The following SEMA3E variants were observed in gnomAD, a reference collection of about 807,000 sequenced individuals.
SEMA3E encodes semaphorin-3E.
SEMA3E carries 49 observed loss-of-function variants against 93.6 expected under a neutral mutation model. The ratio of observed to expected loss-of-function variants is 0.52; its 90% CI spans 0.42 to 0.66. The LOEUF is 0.66. SEMA3E is among the 30% of genes least tolerant of loss of function. SEMA3E has a pLI of 0.00. For synonymous variants in SEMA3E, 363 were observed against 330.7 expected, an observed-to-expected ratio of 1.10 and a Z score of -1.06; for missense variants, 906 against 964.8, an observed-to-expected ratio of 0.94 and a Z score of 0.81.
intron 4 of SEMA3E, among the ~76,000 whole-genome samples, chr7:83,427,527 T>G (rs1380107625): frequency 6.6e-6 from 1 of 152,176 alleles, no homozygotes; most frequent in East Asian, 1.9e-4. Flanking sequence ...TACATAGTAT[T>G]GATATTATGA....
intron 1 of SEMA3E, among the ~76,000 whole-genome samples, chr7:83,565,938 A>G (rs1187884642): frequency 6.6e-6 from 1 of 151,932 alleles, no homozygotes; most frequent in Non-Finnish European, 1.5e-5. Context: ...CAATTTTACA[A>G]CACATATAAA....
chr7:83,543,859 C>T (rs116859772), intron 1 of SEMA3E, among the ~76,000 whole-genome samples: 2,308 of 152,130 alleles, frequency 0.015, 31 homozygotes, highest in Non-Finnish European at 0.021. Flanking sequence ...GCTAAAACCT[C>T]AATATCAAGG....
At position 83,525,380 on chromosome 7, in the gene SEMA3E, G is replaced by T. The variant is rs566140185; in HGVS notation, c.116-35106C>A. 4.6e-5 allele frequency among the ~76,000 whole-genome samples: 7 copies of T among 151,892 alleles called. No homozygotes were observed. In the South Asian group the frequency reaches 1.5e-3, roughly 32 times the overall value. Reference sequence around the variant, plus strand: ...AGTTTGTTTTCATCCATTGTACTGGGCTCTCTCAATCTAAAAATACATTTA... The same window carrying T: ...AGTTTGTTTTCATCCATTGTACTGGTCTCTCTCAATCTAAAAATACATTTA... On this transcript the variant is annotated intron_variant, in intron 1 of 16. Coordinates refer to ENST00000643230, the MANE Select transcript of SEMA3E (RefSeq NM_012431.3).
rs548148596 is a variant in SEMA3E, at chr7:83,539,731, T to C, written c.116-49457A>G. Among the ~76,000 whole-genome samples, 5 of 152,352 alleles carry C rather than the reference T, an allele frequency of 3.3e-5. No homozygotes were observed. In the East Asian group the frequency reaches 9.6e-4, roughly 29 times the overall value. On this transcript the variant is annotated intron_variant, in intron 1 of 16. Transcript: ENST00000643230. The stretch of plus-strand genomic sequence containing the variant: ...TCTGCTAAGTTATCCTTCATTGGGA[T>C]TATTTTCATCTGATGAGTTTTGGAG...
At chr7:83,374,206 C>CAAAAAA (rs71074647) in intron 16 of SEMA3E, among the ~76,000 whole-genome samples, 1 of 93,350 alleles carries the variant, frequency 1.1e-5, no homozygotes, top group African/African-American at 4.4e-5. Context: ...AACTGCGTCT[C>CAAAAAA]AAAAAAAAAA....
At position 83,367,610 on chromosome 7, in the gene SEMA3E, C is replaced by A; in HGVS notation, c.2304G>T (p.Leu768=). ...ATCAGGAGTCCAGCGTGTGCCTGGG[C>A]AGGCGGTAATGCTCAGGTTTGGAAC... is the stretch of plus-strand genomic sequence containing the variant. ...KLRSKPEHYR[L]PRHTLDS Residue 768 remains leucine, a synonymous_variant, in exon 17 of 17, where the codon CTG becomes CTT. Coordinates refer to ENST00000643230, the MANE Select transcript of SEMA3E (RefSeq NM_012431.3). 1 of 1,614,130 alleles carries A rather than the reference C, an allele frequency of 6.2e-7. No homozygotes were observed. Among genetic ancestry groups the A allele is most frequent in the Non-Finnish European group, 8.5e-7 (1 of 1,180,002 alleles).
chr7:83,477,123 AAACT>A (rs1183459915), intron 2 of SEMA3E, among the ~76,000 whole-genome samples: 1 of 152,194 alleles, frequency 6.6e-6, no homozygotes, highest in Non-Finnish European at 1.5e-5. Context: ...GAGTGCAAAC[AAACT>A]AACGAATATG....
intron 16 of SEMA3E, among the ~76,000 whole-genome samples, chr7:83,384,444 T>C (rs1302463979): frequency 3.9e-5 from 6 of 152,036 alleles, no homozygotes; most frequent in African/African-American, 1.4e-4. Flanking sequence ...GGATAATTTT[T>C]TCAATATTCA....
At chr7:83,422,881 A>T (rs140853368) in intron 4 of SEMA3E, among the ~76,000 whole-genome samples, 173 of 152,366 alleles carry the variant, frequency 1.1e-3, no homozygotes, top group African/African-American at 3.9e-3. Flanking sequence ...AGATCAAGAG[A>T]AACCCAGAGT....
intron 1 of SEMA3E, among the ~76,000 whole-genome samples, chr7:83,553,299 A>G (rs948007998): frequency 6.6e-6 from 1 of 151,830 alleles, no homozygotes; most frequent in Non-Finnish European, 1.5e-5. Context: ...TCCATGTATA[A>G]CTCCCTACAG....
At chr7:83,647,965 A>G (rs1794100772) in intron 1 of SEMA3E, among the ~76,000 whole-genome samples, 1 of 152,106 alleles carries the variant, frequency 6.6e-6, no homozygotes, top group Non-Finnish European at 1.5e-5. Flanking sequence ...TCTTACCTCC[A>G]TTATGGAAAC....
intron 16 of SEMA3E, among the ~76,000 whole-genome samples, chr7:83,374,465 G>A (rs1794793539): frequency 6.6e-6 from 1 of 151,954 alleles, no homozygotes; most frequent in Non-Finnish European, 1.5e-5. Flanking sequence ...AGATCTATAA[G>A]GGGTTATTTG....
chr7:83,573,679 T>C (rs1486851793), intron 1 of SEMA3E, among the ~76,000 whole-genome samples: 1 of 152,070 alleles, frequency 6.6e-6, no homozygotes, highest in Non-Finnish European at 1.5e-5. Context: ...TAATATCTAT[T>C]GTGTAAGTTT....
At chr7:83,466,161 G>A (rs897953036) in intron 4 of SEMA3E, among the ~76,000 whole-genome samples, 3 of 152,088 alleles carry the variant, frequency 2.0e-5, no homozygotes, top group Admixed American at 1.3e-4. Context: ...ACATATTCCA[G>A]TTTGGTGGTT....
chr7:83,570,723 A>C (rs1292871316), intron 1 of SEMA3E, among the ~76,000 whole-genome samples: 1 of 151,764 alleles, frequency 6.6e-6, no homozygotes, highest in Non-Finnish European at 1.5e-5. Context: ...AGTCCATACA[A>C]AAGACCAATG....
At chr7:83,402,572 C>A in intron 10 of SEMA3E, 60 bp downstream of exon 10, 1 of 1,504,484 alleles carries the variant, frequency 6.6e-7, no homozygotes, top group Non-Finnish European at 9.2e-7. Context: ...AAACAGTGAA[C>A]AAAATATTAC....
At chr7:83,482,685 A>G (rs918254526) in intron 2 of SEMA3E, among the ~76,000 whole-genome samples, 5 of 152,226 alleles carry the variant, frequency 3.3e-5, no homozygotes, top group East Asian at 3.9e-4. Context: ...ACATCTTCAA[A>G]GATGAACATA....
intron 1 of SEMA3E, among the ~76,000 whole-genome samples, chr7:83,566,137 A>G (rs1024463799): frequency 6.7e-6 from 1 of 148,802 alleles, no homozygotes; most frequent in African/African-American, 2.5e-5. Context: ...AGCTGTGACT[A>G]CAGGCGGCCG....
intron 1 of SEMA3E, among the ~76,000 whole-genome samples, chr7:83,591,379 G>A (rs1004363546): frequency 1.3e-5 from 2 of 151,570 alleles, no homozygotes; most frequent in Admixed American, 6.6e-5. Context: ...ATTGCTTAAT[G>A]AGTTTTTCCA....
Sources: gnomAD v4.1 joint callset for allele counts (sites outside exome capture counted in the v4.1 genomes callset) on GRCh38, gnomAD v4.1.1 for gene constraint, MANE v1.5 for transcripts, NCBI Gene and HGNC (gene_info 2026-07-23, HGNC 2026-07-21) for gene names.